Variants in NALF1 observed in about 807,000 individuals in gnomAD.
NALF1 encodes the protein family with sequence similarity 155 member A.
In NALF1, 3 loss-of-function variants were observed where a neutral mutation model predicts 48.4. That is an observed-to-expected ratio of 0.06 (90% CI 0.03 to 0.16). The LOEUF is 0.16. Ranked by LOEUF, NALF1 falls within the 10% of genes least tolerant of loss-of-function variation. The pLI, the probability that NALF1 is intolerant of heterozygous loss-of-function variation, is 1.00. For missense variants in NALF1, 526 were observed against 571.5 expected, an observed-to-expected ratio of 0.92 and a Z score of 0.81; for synonymous variants, 262 against 245.7, an observed-to-expected ratio of 1.07 and a Z score of -0.62.
At chr13:107,289,810 A>G in intron 1 of NALF1, among the ~76,000 whole-genome samples, 1 of 152,212 alleles carries the variant, frequency 6.6e-6, no homozygotes, top group Non-Finnish European at 1.5e-5. Flanking sequence ...TTCAATGACT[A>G]AAAGAACATT....
intron 1 of NALF1, among the ~76,000 whole-genome samples, chr13:107,773,806 C>T (rs1877648982): frequency 6.6e-6 from 1 of 151,380 alleles, no homozygotes; most frequent in African/African-American, 2.4e-5. Flanking sequence ...TGTAGCACAC[C>T]AACATGGCAC....
intron 2 of NALF1, among the ~76,000 whole-genome samples, chr13:107,182,205 ATATT>A (rs367724222): frequency 3.3e-5 from 5 of 150,540 alleles, no homozygotes; most frequent in South Asian, 4.2e-4. Flanking sequence ...CAATATGAGC[ATATT>A]TATTTATTTA....
At position 107,330,521 on chromosome 13, in the gene NALF1, C is replaced by T. The variant is rs1406257680; in HGVS notation, c.916-119766G>A. The stretch of plus-strand genomic sequence containing the variant: ...ATTAAAGTAGTTTATATTTACAACC[C>T]AATATTAGTAAACACAACATAAGGG... On this transcript the variant is annotated intron_variant, in intron 1 of 2. Transcript: ENST00000375915. 2.6e-5 allele frequency among the ~76,000 whole-genome samples: 4 copies of T among 152,186 alleles called. No homozygotes were observed. In the South Asian group the frequency reaches 8.3e-4, roughly 32 times the overall value.
rs150125058 is a variant in NALF1 at position 107,416,042 on chromosome 13, T to A, written c.916-205287A>T. Among the ~76,000 whole-genome samples, 73 of 152,052 alleles carry A rather than the reference T, an allele frequency of 4.8e-4. No homozygotes were observed. The East Asian group carries it at 9.9e-3, about 21-fold the overall frequency. On this transcript the variant is annotated intron_variant, in intron 1 of 2. Coordinates refer to ENST00000375915, the MANE Select transcript of NALF1 (RefSeq NM_001080396.3). ...TTTTTTTTGAGATGGTGTCTCGCTC[T>A]GTCGCCCAGGCTGGAGTGTAGAGGT...
intron 1 of NALF1, among the ~76,000 whole-genome samples, chr13:107,772,842 T>A (rs1594257028): frequency 6.6e-6 from 1 of 152,126 alleles, no homozygotes; most frequent in African/African-American, 2.4e-5. Context: ...ATGGAACAAG[T>A]TTTTTTAATG....
rs369018956 is a variant in NALF1 at position 107,314,480 on chromosome 13, G to A, written c.916-103725C>T. On this transcript the variant is annotated intron_variant, in intron 1 of 2. Transcript: ENST00000375915. ...CCACCTCATCTTGATTCTTCAGAAA[G>A]ATTTATTTTCCTTTAGATCCTACAT... 6.0e-4 allele frequency among the ~76,000 whole-genome samples: 91 copies of A among 152,108 alleles called. 1 individual carries two copies. Among genetic ancestry groups the A allele is most frequent in the African/African-American group, 2.1e-3 (87 of 41,520 alleles).
Position 107,585,536 on chromosome 13 carries a change from A to C in NALF1, c.915+280146T>G, listed in dbSNP as rs574078356. Among the ~76,000 whole-genome samples, 236 of 152,290 alleles carry C rather than the reference A, an allele frequency of 1.5e-3. 1 individual carries two copies. Among genetic ancestry groups the C allele is most frequent in the African/African-American group, 5.4e-3 (224 of 41,572 alleles). ...TCTGTGTTTTTCTTTTCTTAAGGAAAAAATATGAAATATTGGACAAAATTC... is the reference window on the plus strand; with the variant it reads ...TCTGTGTTTTTCTTTTCTTAAGGAACAAATATGAAATATTGGACAAAATTC... On this transcript the variant is annotated intron_variant, in intron 1 of 2. Transcript: ENST00000375915.
chr13:107,793,697 A>G (rs1319938421), intron 1 of NALF1, among the ~76,000 whole-genome samples: 1 of 152,190 alleles, frequency 6.6e-6, no homozygotes, highest in Non-Finnish European at 1.5e-5. Context: ...AGAACTAGTT[A>G]TTCTGAATCA....
chr13:107,449,051 C>T (rs1170197331), intron 1 of NALF1, among the ~76,000 whole-genome samples: 1 of 152,164 alleles, frequency 6.6e-6, no homozygotes, highest in East Asian at 1.9e-4. Context: ...CAAGACCAGC[C>T]TGGCCAACAT....
chr13:107,529,946 T>A (rs1370720033), intron 1 of NALF1, among the ~76,000 whole-genome samples: 2 of 152,058 alleles, frequency 1.3e-5, no homozygotes, highest in Non-Finnish European at 2.9e-5. Flanking sequence ...AAACTCACAA[T>A]CTGCCTAAAC....
chr13:107,177,917 G>T (rs1878971414), intron 2 of NALF1, among the ~76,000 whole-genome samples: 1 of 152,154 alleles, frequency 6.6e-6, no homozygotes. Context: ...GTGCATGGTG[G>T]CAAGCCTGTA....
chr13:107,635,326 CCTT>C (rs1879946336), intron 1 of NALF1, among the ~76,000 whole-genome samples: 1 of 151,998 alleles, frequency 6.6e-6, no homozygotes. Context: ...GCAAACATGT[CCTT>C]CTTCACATGA....
intron 1 of NALF1, among the ~76,000 whole-genome samples, chr13:107,555,266 TTA>T (rs1877427679): frequency 1.3e-5 from 2 of 151,584 alleles, no homozygotes; most frequent in South Asian, 2.1e-4. Context: ...TTATTATTAA[TTA>T]ATTAATTAAT....
At chr13:107,680,321 C>T (rs1881251584) in intron 1 of NALF1, among the ~76,000 whole-genome samples, 1 of 152,320 alleles carries the variant, frequency 6.6e-6, no homozygotes, top group Non-Finnish European at 1.5e-5. Flanking sequence ...TTCGGCACCA[C>T]CCAGTGGACA....
At chr13:107,238,136 G>A (rs556772680) in intron 1 of NALF1, among the ~76,000 whole-genome samples, 42 of 152,236 alleles carry the variant, frequency 2.8e-4, no homozygotes, top group African/African-American at 9.6e-4. Context: ...CCTACAAGAA[G>A]GGCTTTGCCT....
intron 2 of NALF1, among the ~76,000 whole-genome samples, chr13:107,208,961 C>A (rs779598653): frequency 6.6e-6 from 1 of 152,168 alleles, no homozygotes; most frequent in Non-Finnish European, 1.5e-5. Context: ...AACACACAGG[C>A]CTGTGAAATC....
intron 1 of NALF1, among the ~76,000 whole-genome samples, chr13:107,695,158 C>T (rs1238089239): frequency 6.6e-6 from 1 of 152,086 alleles, no homozygotes; most frequent in East Asian, 1.9e-4. Context: ...GTTCCTTACC[C>T]TCTAAGCCTC....
chr13:107,789,518 G>A (rs1481371535), intron 1 of NALF1, among the ~76,000 whole-genome samples: 3 of 152,056 alleles, frequency 2.0e-5, no homozygotes, highest in African/African-American at 7.2e-5. Context: ...TGTCATTCTG[G>A]ATCATGAGAT....
rs577005045 is a variant in NALF1, at chr13:107,365,596, C to A, written c.916-154841G>T. On this transcript the variant is annotated intron_variant, in intron 1 of 2. Transcript: ENST00000375915. Reference sequence around the variant, plus strand: ...TTTTGATGGTCCTTATCAAAACTTACATTTCAACGGTTCCAGGGAATGGTT... The same window carrying A: ...TTTTGATGGTCCTTATCAAAACTTAAATTTCAACGGTTCCAGGGAATGGTT... 6.6e-5 allele frequency among the ~76,000 whole-genome samples: 10 copies of A among 152,252 alleles called. No homozygotes were observed. The South Asian group carries it at 2.1e-3, about 32-fold the overall frequency.
Sources: allele counts gnomAD v4.1 joint callset (sites outside exome capture counted in the v4.1 genomes callset), GRCh38; gene constraint gnomAD v4.1.1; transcripts MANE v1.5; gene names NCBI Gene and HGNC (gene_info 2026-07-23, HGNC 2026-07-21).